The following GFRA1 variants were observed in gnomAD, a reference collection of about 807,000 sequenced individuals.
The protein encoded by GFRA1 is GDNF family receptor alpha 1.
A neutral mutation model predicts 51.6 loss-of-function variants in GFRA1; 16 were observed. That is an observed-to-expected ratio of 0.31 (90% CI 0.21 to 0.47). The LOEUF (loss-of-function observed/expected upper bound fraction) is 0.47, where lower values mean the gene tolerates loss of function less well. Ranked by LOEUF, GFRA1 falls within the 20% of genes least tolerant of loss-of-function variation. The pLI, the probability that GFRA1 is intolerant of heterozygous loss-of-function variation, is 1.00. For missense variants in GFRA1, 530 were observed against 594.3 expected (o/e 0.89, Z 1.13); for synonymous variants, 270 against 241.3 (o/e 1.12, Z -1.10).
chr10:116,111,062 C>T (rs912544378), intron 6 of GFRA1, among the ~76,000 whole-genome samples: 1 of 152,194 alleles, frequency 6.6e-6, no homozygotes, highest in Non-Finnish European at 1.5e-5. Flanking sequence ...TCCTGACAAC[C>T]AAGGGTGCTT....
At chr10:116,256,323 C>A (rs1335605853) in intron 4 of GFRA1, among the ~76,000 whole-genome samples, 1 of 152,148 alleles carries the variant, frequency 6.6e-6, no homozygotes, top group African/African-American at 2.4e-5. Flanking sequence ...GACCTCATCC[C>A]CTGCCCCTCC....
chr10:116,105,162 AT>A (rs1196300598), intron 6 of GFRA1, among the ~76,000 whole-genome samples: 2 of 152,260 alleles, frequency 1.3e-5, no homozygotes, highest in Non-Finnish European at 2.9e-5. Context: ...TGATGAAAGG[AT>A]CATAAAGCTC....
At chr10:116,262,560 G>C (rs1969372838) in intron 4 of GFRA1, among the ~76,000 whole-genome samples, 1 of 152,062 alleles carries the variant, frequency 6.6e-6, no homozygotes, top group Admixed American at 6.6e-5. Flanking sequence ...TACATATATA[G>C]GAAAAATTGG....
chr10:116,120,356 A>G (rs971744156), intron 6 of GFRA1, among the ~76,000 whole-genome samples: 29 of 152,180 alleles, frequency 1.9e-4, no homozygotes, highest in Non-Finnish European at 1.5e-5. Flanking sequence ...GGATCACTCC[A>G]GGCCAGGAGC....
chr10:116,108,697 C>T (rs1957090265), intron 6 of GFRA1, among the ~76,000 whole-genome samples: 1 of 152,202 alleles, frequency 6.6e-6, no homozygotes, highest in East Asian at 1.9e-4. Context: ...CCAGAGCCCT[C>T]CCACCAAGTC....
Position 116,125,242 on chromosome 10 carries a change from C to T in GFRA1, c.749G>A (p.Cys250Tyr). 1 of 1,614,160 alleles carries T rather than the reference C, an allele frequency of 6.2e-7. No homozygotes were observed. The highest frequency in any genetic ancestry group is 8.5e-7 in the Non-Finnish European group (1 of 1,179,994). ...KPNCLNLQDS[C>Y]KTNYICRSRL... is the part of the protein sequence containing the mutation. ...TTACCTGCAGATGTAATTCGTCTTGCAGGAGTCCTGCAAATTCAAACAGTT... is the reference window on the plus strand; with the variant it reads ...TTACCTGCAGATGTAATTCGTCTTGTAGGAGTCCTGCAAATTCAAACAGTT... The change falls in exon 6 of 11, where the codon TGC becomes TAC. Residue 250 changes from cysteine to tyrosine, a missense_variant. Coordinates refer to ENST00000355422, the MANE Select transcript of GFRA1 (RefSeq NM_005264.8).
intron 5 of GFRA1, among the ~76,000 whole-genome samples, chr10:116,188,815 A>G (rs1283526290): frequency 6.6e-6 from 1 of 151,378 alleles, no homozygotes; most frequent in Non-Finnish European, 1.5e-5. Flanking sequence ...CACGAGAATC[A>G]CTTGAACCTG....
intron 4 of GFRA1, among the ~76,000 whole-genome samples, chr10:116,237,133 T>G (rs938326808): frequency 4.6e-5 from 7 of 152,216 alleles, no homozygotes; most frequent in Non-Finnish European, 8.8e-5. Flanking sequence ...TATGAATCCA[T>G]CCATAGTTTC....
At chr10:116,235,938 A>T (rs557466183) in intron 4 of GFRA1, among the ~76,000 whole-genome samples, 1 of 152,252 alleles carries the variant, frequency 6.6e-6, no homozygotes, top group Admixed American at 6.5e-5. Flanking sequence ...CAAAACTATG[A>T]GAAATAATTT....
chr10:116,065,456 T>C, intron 10 of GFRA1, 117 bp downstream of exon 10: 1 of 825,400 alleles, frequency 1.2e-6, no homozygotes, highest in African/African-American at 1.7e-5. Flanking sequence ...GTGGCTTAGA[T>C]TTCTTGTGGA....
At chr10:116,178,617 C>A (rs1057157298) in intron 5 of GFRA1, among the ~76,000 whole-genome samples, 1 of 152,174 alleles carries the variant, frequency 6.6e-6, no homozygotes, top group African/African-American at 2.4e-5. Context: ...GCAGTGGATG[C>A]CCAGAAGAGG....
At chr10:116,188,826 G>A (rs140926142) in intron 5 of GFRA1, among the ~76,000 whole-genome samples, 27,598 of 151,332 alleles carry the variant, frequency 0.18, 2,662 homozygotes, top group Admixed American at 0.28. Flanking sequence ...CTTGAACCTG[G>A]GAGGCAGAGG....
chr10:116,104,836 T>C (rs1446353467), intron 6 of GFRA1, among the ~76,000 whole-genome samples: 3 of 152,128 alleles, frequency 2.0e-5, no homozygotes, highest in African/African-American at 7.2e-5. Context: ...AGAAAATCCA[T>C]TCCAACTTGC....
chr10:116,196,746 ATATATAT>A (rs1311333064), intron 5 of GFRA1, among the ~76,000 whole-genome samples: 9 of 84,166 alleles, frequency 1.1e-4, no homozygotes, highest in African/African-American at 3.4e-4. Context: ...ACTATATATA[ATATATAT>A]TATATATTAT....
chr10:116,186,570 TAAAAAA>T (rs386372545), intron 5 of GFRA1, among the ~76,000 whole-genome samples: 2 of 129,180 alleles, frequency 1.5e-5, no homozygotes, highest in African/African-American at 6.2e-5. Context: ...GAAAGGCTCT[TAAAAAA>T]AAAAAAAAAA....
At chr10:116,133,516 T>C (rs1293635247) in intron 5 of GFRA1, among the ~76,000 whole-genome samples, 1 of 152,218 alleles carries the variant, frequency 6.6e-6, no homozygotes, top group Non-Finnish European at 1.5e-5. Context: ...AGCGTTTTCA[T>C]ACAAGTCAGC....
intron 4 of GFRA1, among the ~76,000 whole-genome samples, chr10:116,263,132 A>G (rs933585696): frequency 6.6e-6 from 1 of 152,174 alleles, no homozygotes; most frequent in African/African-American, 2.4e-5. Context: ...GATAGAGGAT[A>G]GATTTTTCAT....
chr10:116,125,741 G>C (rs889882296), intron 5 of GFRA1, among the ~76,000 whole-genome samples, 184 bp from the exon 6 acceptor site: 2 of 152,186 alleles, frequency 1.3e-5, no homozygotes, highest in African/African-American at 4.8e-5. Flanking sequence ...CAAATACCAG[G>C]AGTCTACGGC....
intron 5 of GFRA1, among the ~76,000 whole-genome samples, chr10:116,201,540 C>T (rs564915379): frequency 6.6e-6 from 1 of 152,200 alleles, no homozygotes; most frequent in African/African-American, 2.4e-5. Flanking sequence ...TTGCCCTTAT[C>T]CTGCCCAATT....
Sources: allele counts gnomAD v4.1 joint callset (sites outside exome capture counted in the v4.1 genomes callset), GRCh38; gene constraint gnomAD v4.1.1; transcripts MANE v1.5; gene names NCBI Gene and HGNC (gene_info 2026-07-23, HGNC 2026-07-21).